ATAD1: variants seen among roughly 807,000 people sequenced by gnomAD.
ATAD1 encodes the protein outer mitochondrial transmembrane helix translocase.
ATAD1 carries 18 observed loss-of-function variants against 42.7 expected under a neutral mutation model. The observed-to-expected ratio is 0.42, with a 90% CI of 0.29 to 0.63. The LOEUF (loss-of-function observed/expected upper bound fraction) is 0.63, where lower values mean the gene tolerates loss of function less well. Among genes scored for constraint, ATAD1 ranks in the 20% least tolerant of loss-of-function variants. The probability of loss-of-function intolerance (pLI) is 0.19; values close to 1 mark genes in which losing one functional copy is unlikely to be tolerated. For missense variants in ATAD1, 294 were observed against 440.4 expected (o/e 0.67, Z 2.98); for synonymous variants, 132 against 143.1 (o/e 0.92, Z 0.55).
At chr10:87,840,031 A>T (rs903011118) in intron 1 of ATAD1, among the ~76,000 whole-genome samples, 4 of 152,204 alleles carry the variant, frequency 2.6e-5, no homozygotes, top group Non-Finnish European at 4.4e-5. Flanking sequence ...ACTGACCTCA[A>T]TTCTAGAATA....
Position 87,829,545 on chromosome 10 carries a change from C to T in ATAD1, c.-14+11642G>A, listed in dbSNP as rs946931134. On this transcript the variant is annotated intron_variant, in intron 1 of 4. Transcript: ENST00000495903. ...CTGGGATTACAGGCATGAGCCACCTCGCCCGGCCAGGATTCACCATTCTAA... is the reference window on the plus strand; with the variant it reads ...CTGGGATTACAGGCATGAGCCACCTTGCCCGGCCAGGATTCACCATTCTAA... 5.9e-5 allele frequency among the ~76,000 whole-genome samples: 9 copies of T among 152,174 alleles called. No individual in the cohort carries two copies. In the South Asian group the frequency reaches 6.2e-4, roughly 11 times the overall value.
In ATAD1 at chr10:87,752,032, ATGT is replaced by A; in HGVS notation, c.*2652_*2654del. The A allele has an allele frequency of 6.6e-6, 1 of 152,184 alleles. No homozygotes were observed. Among genetic ancestry groups the A allele is most frequent in the Non-Finnish European group, 1.5e-5 (1 of 68,030 alleles). The allele number at this position is 152,184 out of a possible 1,614,324, so 9.4% of individuals were successfully genotyped here. A position where few individuals can be genotyped will look rare whatever the true frequency, so the allele number is the denominator to read the frequency against. On this transcript the variant is annotated 3_prime_UTR_variant, in exon 10 of 10. Transcript: ENST00000680024. ...ACCTGTAAGTTACAGCTACTAAATAATGTTAAGCTATTATGATGCATACAGAAT... is the reference window on the plus strand; with the variant it reads ...ACCTGTAAGTTACAGCTACTAAATAATAAGCTATTATGATGCATACAGAAT...
chr10:87,768,094 T>A (rs1435505671), intron 7 of ATAD1, among the ~76,000 whole-genome samples: 1 of 152,212 alleles, frequency 6.6e-6, no homozygotes, highest in Non-Finnish European at 1.5e-5. Context: ...AAATTTATTA[T>A]CAGTAATTCA....
intron 1 of ATAD1, among the ~76,000 whole-genome samples, chr10:87,825,167 T>C (rs978513005): frequency 2.0e-5 from 3 of 152,206 alleles, no homozygotes; most frequent in Non-Finnish European, 2.9e-5. Flanking sequence ...CATTTTTTGC[T>C]TACTTTTCCT....
chr10:87,820,586 T>C (rs1269476238), upstream of ATAD1, among the ~76,000 whole-genome samples: 1 of 152,124 alleles, frequency 6.6e-6, no homozygotes, highest in Non-Finnish European at 1.5e-5. Context: ...CTGCCTAATA[T>C]TTGAGGGATG....
chr10:87,806,971 CTTTT>C (rs1318283637), intron 2 of ATAD1, among the ~76,000 whole-genome samples: 1 of 152,104 alleles, frequency 6.6e-6, no homozygotes, highest in Non-Finnish European at 1.5e-5. Context: ...GACTCCTTTT[CTTTT>C]GTCTGATCGC....
chr10:87,786,355 A>T (rs545781019), intron 4 of ATAD1, among the ~76,000 whole-genome samples: 7 of 151,772 alleles, frequency 4.6e-5, no homozygotes, highest in African/African-American at 1.7e-4. Flanking sequence ...AAACATATTC[A>T]GAGATTTTAG....
upstream of ATAD1, among the ~76,000 whole-genome samples, chr10:87,820,486 C>A (rs1857611991): frequency 6.6e-6 from 1 of 152,114 alleles, no homozygotes; most frequent in Non-Finnish European, 1.5e-5. Flanking sequence ...AAGTCTCAGG[C>A]AAATCATGAG....
chr10:87,760,165 G>A lies in ATAD1; in HGVS notation c.832-3243C>T, dbSNP rs565690033. Among the ~76,000 whole-genome samples the A allele has an allele frequency of 5.3e-5, 8 of 152,234 alleles. No individual in the cohort carries two copies. The South Asian group carries it at 1.5e-3, about 28-fold the overall frequency. On this transcript the variant is annotated intron_variant, in intron 8 of 9. Transcript: ENST00000680024. ...TTATAATTTTATTTCAAGACCAGCT[G>A]GGGCAAATGATGAGACCCTGATATG...
At chr10:87,755,742 C>T (rs1364855977) in intron 9 of ATAD1, among the ~76,000 whole-genome samples, 3 of 151,986 alleles carry the variant, frequency 2.0e-5, no homozygotes, top group African/African-American at 7.2e-5. Flanking sequence ...AATCCCGTCT[C>T]TACTAAAAAT....
chr10:87,840,997 C>T (rs1031293894), intron 1 of ATAD1, among the ~76,000 whole-genome samples: 7 of 151,386 alleles, frequency 4.6e-5, no homozygotes, highest in Non-Finnish European at 1.0e-4. Context: ...CTCTCTGATA[C>T]GTAAAAAAAC....
At chr10:87,825,308 CT>C (rs1267573215) in intron 1 of ATAD1, among the ~76,000 whole-genome samples, 2,707 of 132,880 alleles carry the variant, frequency 0.02, 28 homozygotes, top group African/African-American at 0.046. Context: ...AAATCTTAAC[CT>C]TTTTTTTTTT....
At chr10:87,775,509 T>G (rs1399476807) in intron 6 of ATAD1, among the ~76,000 whole-genome samples, 1 of 129,100 alleles carries the variant, frequency 7.7e-6, no homozygotes, top group Non-Finnish European at 1.6e-5. Flanking sequence ...AAGTAAGTGA[T>G]TCATTAAAAA....
chr10:87,838,860 A>G (rs1857977499), intron 1 of ATAD1, among the ~76,000 whole-genome samples: 2 of 152,218 alleles, frequency 1.3e-5, no homozygotes, highest in South Asian at 4.1e-4. Flanking sequence ...GGGACTTCCC[A>G]GCCTCTCAAA....
At chr10:87,770,848 T>G (rs1854996107) in intron 7 of ATAD1, 104 bp downstream of exon 7, 2 of 927,858 alleles carry the variant, frequency 2.2e-6, no homozygotes, top group Non-Finnish European at 3.2e-6. Flanking sequence ...TTCCCTGTCA[T>G]AAGCACCCCT....
chr10:87,795,794 T>C (rs1856359222), intron 2 of ATAD1, among the ~76,000 whole-genome samples: 2 of 152,188 alleles, frequency 1.3e-5, no homozygotes, highest in Admixed American at 1.3e-4. Context: ...ACTTATGAGC[T>C]AACACTCATT....
chr10:87,808,493 T>A (rs1437676975), intron 2 of ATAD1, among the ~76,000 whole-genome samples: 2 of 152,206 alleles, frequency 1.3e-5, no homozygotes, highest in African/African-American at 4.8e-5. Flanking sequence ...GAGGTTGCAG[T>A]GAGCCAAAAT....
intron 4 of ATAD1, among the ~76,000 whole-genome samples, chr10:87,786,483 G>T (rs1479518219): frequency 1.3e-5 from 2 of 152,122 alleles, no homozygotes; most frequent in Admixed American, 1.3e-4. Context: ...TACAATTAGT[G>T]TTATTAACTG....
At chr10:87,803,426 C>T (rs769857089) in intron 2 of ATAD1, among the ~76,000 whole-genome samples, 1 of 152,206 alleles carries the variant, frequency 6.6e-6, no homozygotes, top group Non-Finnish European at 1.5e-5. Flanking sequence ...GCAAATCTGC[C>T]TTCCATTCTA....
Sources: allele counts gnomAD v4.1 joint callset (sites outside exome capture counted in the v4.1 genomes callset), GRCh38; gene constraint gnomAD v4.1.1; transcripts MANE v1.5; gene names NCBI Gene and HGNC (gene_info 2026-07-23, HGNC 2026-07-21).